The following NCK1 variants were observed in gnomAD, a reference collection of about 807,000 sequenced individuals.
NCK1 encodes the protein NCK adaptor protein 1, also known as SH2/SH3 adapter protein NCK1.
In NCK1, 19 loss-of-function variants were observed where a neutral mutation model predicts 36.6. The ratio of observed to expected loss-of-function variants is 0.52; its 90% CI spans 0.36 to 0.76. The LOEUF is 0.76. Ranked by LOEUF, NCK1 falls within the 30% of genes least tolerant of loss-of-function variation. The pLI, the probability that NCK1 is intolerant of heterozygous loss-of-function variation, is 0.00. For synonymous variants in NCK1, 165 were observed against 156.0 expected, an observed-to-expected ratio of 1.06 and a Z score of -0.43; for missense variants, 358 against 445.6, an observed-to-expected ratio of 0.80 and a Z score of 1.77.
chr3:136,908,656 C>T (rs1320359835), intron 1 of NCK1, among the ~76,000 whole-genome samples: 1 of 152,204 alleles, frequency 6.6e-6, no homozygotes, highest in Non-Finnish European at 1.5e-5. Context: ...AATGTGGTGA[C>T]ATCTAACTCC....
At chr3:136,924,564 A>G (rs919202775) in intron 1 of NCK1, among the ~76,000 whole-genome samples, 3 of 152,266 alleles carry the variant, frequency 2.0e-5, no homozygotes, top group African/African-American at 4.8e-5. Flanking sequence ...ATTAGATGAA[A>G]TAAGTGTTGC....
In NCK1 at chr3:136,945,903, G is replaced by A. The variant is rs149750260; in HGVS notation, c.547G>A (p.Val183Ile). 571 of 1,613,964 alleles carry A rather than the reference G, an allele frequency of 3.5e-4. No homozygotes were observed. The highest frequency in any genetic ancestry group is 4.5e-4 in the Non-Finnish European group (532 of 1,180,006). Residue 183 changes from valine (V) to isoleucine (I), a missense_variant, in exon 3 of 4, where the codon GTC (valine) becomes ATC (isoleucine). Val to Ile is a conservative substitution (Grantham distance 29, BLOSUM62 3). Coordinates refer to ENST00000481752, the MANE Select transcript of NCK1 (RefSeq NM_001291999.2). Reference sequence around the variant, plus strand: ...TCTGTCAGAGAAATTAGCAGCAGTCGTCAATAACCTAAATACTGGGCAAGT... The same window carrying A: ...TCTGTCAGAGAAATTAGCAGCAGTCATCAATAACCTAAATACTGGGCAAGT... ...GSLSEKLAAV[V>I]NNLNTGQVLH...
At chr3:136,875,389 C>G (rs1938737813) in intron 1 of NCK1, among the ~76,000 whole-genome samples, 1 of 152,064 alleles carries the variant, frequency 6.6e-6, no homozygotes, top group African/African-American at 2.4e-5. Context: ...TGCCTAATTG[C>G]CCTGGCCAGA....
At chr3:136,873,750 A>G (rs1025071784) in intron 1 of NCK1, among the ~76,000 whole-genome samples, 2 of 152,130 alleles carry the variant, frequency 1.3e-5, no homozygotes, top group Admixed American at 6.6e-5. Flanking sequence ...GTGATAGTGA[A>G]TAAGTCTTTT....
At chr3:136,893,147 AGTGTGTGTGTGTGTGTGT>A (rs142883729) in intron 1 of NCK1, among the ~76,000 whole-genome samples, 1 of 41,890 alleles carries the variant, frequency 2.4e-5, no homozygotes, top group Non-Finnish European at 4.8e-5. Context: ...AATATTCCAT[AGTGTGTGTGTGTGTGTGT>A]GTGTGTGTGT....
Position 136,932,757 on chromosome 3 carries a change from T to G in NCK1, c.226+4530T>G, listed in dbSNP as rs73864641. Among the ~76,000 whole-genome samples, 733 of 152,296 alleles carry G rather than the reference T, an allele frequency of 4.8e-3. 8 individuals carry two copies. Among genetic ancestry groups the G allele is most frequent in the African/African-American group, 0.017 (713 of 41,564 alleles). On this transcript the variant is annotated intron_variant, in intron 2 of 3. Coordinates refer to ENST00000481752, the MANE Select transcript of NCK1 (RefSeq NM_001291999.2). ...CATCCTGGTAAACAACTAAGCAGTC[T>G]TAGGTGTGTCATAGGAATTGAGCGA...
At chr3:136,876,568 T>C (rs1272094728) in intron 1 of NCK1, among the ~76,000 whole-genome samples, 1 of 151,988 alleles carries the variant, frequency 6.6e-6, no homozygotes, top group Non-Finnish European at 1.5e-5. Flanking sequence ...AATCTAAAGG[T>C]TTTTTGTTTT....
At chr3:136,874,894 G>C (rs1001067918) in intron 1 of NCK1, among the ~76,000 whole-genome samples, 6 of 152,086 alleles carry the variant, frequency 3.9e-5, no homozygotes, top group African/African-American at 1.4e-4. Flanking sequence ...AGGCCTTGCT[G>C]CATTGTTTTC....
intron 1 of NCK1, among the ~76,000 whole-genome samples, chr3:136,869,527 A>AGAGC (rs2108065726): frequency 6.6e-6 from 1 of 152,352 alleles, no homozygotes; most frequent in East Asian, 1.9e-4. Flanking sequence ...CCTGGGTGAC[A>AGAGC]GAGCGAGATT....
intron 1 of NCK1, among the ~76,000 whole-genome samples, chr3:136,905,082 A>G (rs1443284625): frequency 1.4e-5 from 2 of 147,540 alleles, no homozygotes; most frequent in African/African-American, 5.0e-5. Flanking sequence ...GCACGATCTC[A>G]GCTAACTGCA....
chr3:136,898,556 C>T (rs1270379197), intron 1 of NCK1, among the ~76,000 whole-genome samples: 1 of 152,096 alleles, frequency 6.6e-6, no homozygotes, highest in Non-Finnish European at 1.5e-5. Context: ...ATACAGCAAC[C>T]ATTTTAGTGT....
At position 136,902,184 on chromosome 3, in the gene NCK1, G is replaced by GT. The variant is rs59203615; in HGVS notation, c.-18-25782dup. On this transcript the variant is annotated intron_variant, in intron 1 of 3. Transcript: ENST00000481752. ...TTTCCAGAGTTCTTCTTAACTCTTT[G>GT]TTTTTTTTTTTTTTTTTTGTTTTTG... Among the ~76,000 whole-genome samples the GT allele has an allele frequency of 6.1e-3, 418 of 68,130 alleles. 1 individual carries two copies. The highest frequency in any genetic ancestry group is 0.016 in the African/African-American group (322 of 20,102). 44.7% of individuals were successfully genotyped at this position (68,130 alleles called of 152,430 possible).
At chr3:136,940,126 G>C (rs77277219) in intron 2 of NCK1, among the ~76,000 whole-genome samples, 1 of 152,170 alleles carries the variant, frequency 6.6e-6, no homozygotes, top group Non-Finnish European at 1.5e-5. Context: ...GACTCCCAAA[G>C]TGTTGGAATT....
chr3:136,928,203 G>C lies in NCK1; in HGVS notation c.202G>C (p.Val68Leu), dbSNP rs370617853. 6.2e-7 allele frequency: 1 copy of C among 1,613,326 alleles called. No individual in the cohort carries two copies. The highest frequency in any genetic ancestry group is 8.5e-7 in the Non-Finnish European group (1 of 1,179,850). The change falls in exon 2 of 4, where the codon GTG becomes CTG. Residue 68 changes from valine to leucine, a missense_variant. This residue lies in a region of NCK1 where 143 missense variants were observed against 162.4 expected (regional missense o/e 0.88). Coordinates refer to ENST00000481752, the MANE Select transcript of NCK1 (RefSeq NM_001291999.2). ...AAACAGTGCTCGGAAAGCATCTATTGTGAAAAACCTAAAGGATACCTTAGG... is the reference window on the plus strand; with the variant it reads ...AAACAGTGCTCGGAAAGCATCTATTCTGAAAAACCTAAAGGATACCTTAGG... ...RKNSARKASIVKNLKDTLGIG... is the reference protein window; with the variant it reads ...RKNSARKASILKNLKDTLGIG...
At chr3:136,866,932 ATT>A (rs11294236) in intron 1 of NCK1, among the ~76,000 whole-genome samples, 2 of 151,424 alleles carry the variant, frequency 1.3e-5, no homozygotes, top group Non-Finnish European at 2.9e-5. Flanking sequence ...AGTCTTTAAA[ATT>A]TTTTTTTTCT....
chr3:136,928,051 A>G lies in NCK1; in HGVS notation c.50A>G (p.Gln17Arg). Residue 17 changes from glutamine (Q) to arginine (R), a missense_variant, in exon 2 of 4, where the codon CAA becomes CGA. Physicochemically the swap from Gln to Arg is conservative, Grantham distance 43. This residue lies in a region of NCK1 where 143 missense variants were observed against 162.4 expected (regional missense o/e 0.88). Coordinates refer to ENST00000481752, the MANE Select transcript of NCK1 (RefSeq NM_001291999.2). ...GCCAAATTTGATTATGTGGCCCAAC[A>G]AGAACAAGAGTTGGACATCAAGAAG... ...VVAKFDYVAQ[Q>R]EQELDIKKNE... The G allele has an allele frequency of 1.9e-6, 3 of 1,614,198 alleles. No homozygotes were observed. The Admixed American group carries it at 5.0e-5, about 27-fold the overall frequency.
intron 2 of NCK1, 48 bp downstream of exon 2, chr3:136,928,275 G>A: frequency 6.7e-7 from 1 of 1,493,606 alleles, no homozygotes; most frequent in Non-Finnish European, 9.1e-7. Context: ...AATGAAACCT[G>A]CAACTTAGTT....
intron 1 of NCK1, among the ~76,000 whole-genome samples, chr3:136,863,363 G>A (rs1438601999): frequency 6.6e-6 from 1 of 152,218 alleles, no homozygotes; most frequent in Admixed American, 6.5e-5. Context: ...AAACCAGTGT[G>A]CCTAGACTCT....
chr3:136,900,210 T>C, intron 1 of NCK1: 1 of 224,128 alleles, frequency 4.5e-6, no homozygotes, highest in Non-Finnish European at 8.9e-6. Flanking sequence ...TGCAGAAGCC[T>C]TTTTTGTTGT....
Sources: allele counts gnomAD v4.1 joint callset (sites outside exome capture counted in the v4.1 genomes callset), GRCh38; gene constraint gnomAD v4.1.1; regional missense constraint gnomAD v4.1.1; transcripts MANE v1.5; gene names NCBI Gene and HGNC (gene_info 2026-07-23, HGNC 2026-07-21).